Variants in CACNB2 observed in about 807,000 individuals in gnomAD.
CACNB2 encodes voltage-dependent L-type calcium channel subunit beta-2.
In CACNB2, 42 loss-of-function variants were observed where a neutral mutation model predicts 73.3. The observed-to-expected ratio is 0.57, with a 90% confidence interval of 0.45 to 0.74. The LOEUF (loss-of-function observed/expected upper bound fraction) is 0.74. Among genes scored for constraint, CACNB2 ranks in the 30% least tolerant of loss-of-function variants. CACNB2 has a pLI of 0.00. For missense variants in CACNB2, 940 were observed against 853.0 expected, an observed-to-expected ratio of 1.10 and a Z score of -1.27; for synonymous variants, 348 against 310.3, an observed-to-expected ratio of 1.12 and a Z score of -1.28.
intron 3 of CACNB2, among the ~76,000 whole-genome samples, chr10:18,483,242 CAG>C (rs2048881163): frequency 6.7e-6 from 1 of 150,310 alleles, no homozygotes; most frequent in Non-Finnish European, 1.5e-5. Context: ...AAAAAAAAAA[CAG>C]AACAGGCTGG....
intron 2 of CACNB2, among the ~76,000 whole-genome samples, chr10:18,384,166 A>G (rs2043131190): frequency 6.6e-6 from 1 of 151,948 alleles, no homozygotes; most frequent in South Asian, 2.1e-4. Context: ...CAGTACTGAG[A>G]CTCCCGAAGA....
chr10:18,179,026 G>C (rs917307899), intron 2 of CACNB2, among the ~76,000 whole-genome samples: 12 of 152,310 alleles, frequency 7.9e-5, no homozygotes, highest in African/African-American at 2.4e-4. Flanking sequence ...TCTGTGCTCT[G>C]GGTGAGATAT....
intron 2 of CACNB2, among the ~76,000 whole-genome samples, chr10:18,188,568 G>A (rs1283636474): frequency 6.6e-6 from 1 of 151,966 alleles, no homozygotes; most frequent in Non-Finnish European, 1.5e-5. Context: ...GCCTCCCAAA[G>A]TGATGGGATT....
chr10:18,530,513 CA>C (rs5783609), intron 10 of CACNB2, among the ~76,000 whole-genome samples: 43,538 of 129,194 alleles, frequency 0.34, 6,582 homozygotes, highest in Admixed American at 0.4. Flanking sequence ...TACAAAAATG[CA>C]AAAAAAAAAA....
chr10:18,525,899 T>C (rs911857605), intron 9 of CACNB2, among the ~76,000 whole-genome samples: 9 of 152,228 alleles, frequency 5.9e-5, no homozygotes, highest in Non-Finnish European at 1.2e-4. Context: ...AAAGCTCTTA[T>C]TCTAAGTCTT....
At chr10:18,363,657 G>C (rs1389012594) in intron 2 of CACNB2, among the ~76,000 whole-genome samples, 1 of 152,112 alleles carries the variant, frequency 6.6e-6, no homozygotes, top group Non-Finnish European at 1.5e-5. Context: ...TATATGACTA[G>C]ACAATGTGGC....
At chr10:18,240,198 C>G (rs545790890) in intron 2 of CACNB2, among the ~76,000 whole-genome samples, 9 of 152,322 alleles carry the variant, frequency 5.9e-5, no homozygotes, top group African/African-American at 2.2e-4. Flanking sequence ...AAAACACATT[C>G]TCCTTGACAT....
chr10:18,490,366 T>C (rs1288073656), intron 3 of CACNB2, among the ~76,000 whole-genome samples: 2 of 152,202 alleles, frequency 1.3e-5, no homozygotes, highest in Non-Finnish European at 2.9e-5. Flanking sequence ...CTATGTAGCA[T>C]GTGCTCATAC....
At chr10:18,229,532 G>A (rs2036145083) in intron 2 of CACNB2, among the ~76,000 whole-genome samples, 1 of 152,140 alleles carries the variant, frequency 6.6e-6, no homozygotes, top group African/African-American at 2.4e-5. Flanking sequence ...GGTAAGATAT[G>A]AAAATCATTT....
intron 2 of CACNB2, among the ~76,000 whole-genome samples, chr10:18,299,352 G>C (rs1254376454): frequency 6.6e-6 from 1 of 152,138 alleles, no homozygotes; most frequent in Non-Finnish European, 1.5e-5. Flanking sequence ...GTAGGGCCTG[G>C]GAAAGTGTGA....
chr10:18,527,471 T>C (rs2052592017), intron 9 of CACNB2, 117 bp from the exon 10 acceptor site: 1 of 737,158 alleles, frequency 1.4e-6, no homozygotes, highest in African/African-American at 1.7e-5. Context: ...ACACATATGG[T>C]TTGAAAATAT....
intron 5 of CACNB2, among the ~76,000 whole-genome samples, chr10:18,506,241 A>G (rs2133072521): frequency 6.6e-6 from 1 of 152,298 alleles, no homozygotes; most frequent in South Asian, 2.1e-4. Context: ...GTTCTCTTCC[A>G]TTCTCTCAGG....
intron 2 of CACNB2, among the ~76,000 whole-genome samples, chr10:18,227,615 AG>A (rs766328098): frequency 3.3e-5 from 5 of 152,180 alleles, no homozygotes; most frequent in Non-Finnish European, 5.9e-5. Flanking sequence ...AACAACAGAA[AG>A]GTGGTCTTGG....
intron 2 of CACNB2, among the ~76,000 whole-genome samples, chr10:18,348,020 C>T (rs575159751): frequency 7.1e-4 from 108 of 152,040 alleles, no homozygotes; most frequent in African/African-American, 2.3e-3. Flanking sequence ...GTATATCCAC[C>T]CAAATATAAC....
At chr10:18,288,932 C>G (rs2038928305) in intron 2 of CACNB2, among the ~76,000 whole-genome samples, 1 of 152,098 alleles carries the variant, frequency 6.6e-6, no homozygotes, top group Non-Finnish European at 1.5e-5. Flanking sequence ...GTCCTCCCAG[C>G]TACTCAGGAG....
chr10:18,267,606 A>G (rs1036834828), intron 2 of CACNB2, among the ~76,000 whole-genome samples: 5 of 152,214 alleles, frequency 3.3e-5, no homozygotes, highest in African/African-American at 4.8e-5. Flanking sequence ...ACTCCATCTC[A>G]AAAAAGAAAA....
At chr10:18,295,429 T>C (rs984160148) in intron 2 of CACNB2, among the ~76,000 whole-genome samples, 2 of 152,180 alleles carry the variant, frequency 1.3e-5, no homozygotes, top group East Asian at 3.9e-4. Context: ...AATAATGGAC[T>C]CCACTTAGGA....
intron 2 of CACNB2, among the ~76,000 whole-genome samples, chr10:18,391,903 G>A (rs1316436805): frequency 7.8e-6 from 1 of 127,888 alleles, no homozygotes; most frequent in African/African-American, 3.0e-5. Flanking sequence ...ACTCCAGCCT[G>A]AGTGACAGAG....
At chr10:18,312,768 C>T (rs1208869512) in intron 2 of CACNB2, among the ~76,000 whole-genome samples, 2 of 152,116 alleles carry the variant, frequency 1.3e-5, no homozygotes, top group Admixed American at 1.3e-4. Context: ...GTCCTGTCTC[C>T]TTTGCCTGTA....
Sources: gnomAD v4.1 joint callset for allele counts (sites outside exome capture counted in the v4.1 genomes callset) on GRCh38, gnomAD v4.1.1 for gene constraint, MANE v1.5 for transcripts, NCBI Gene and HGNC (gene_info 2026-07-23, HGNC 2026-07-21) for gene names.